DENND5B: variants seen among roughly 807,000 people sequenced by gnomAD.
DENND5B encodes DENN domain-containing protein 5B.
A neutral mutation model predicts 140.6 loss-of-function variants in DENND5B; 34 were observed. The observed-to-expected ratio is 0.24, with a 90% CI of 0.18 to 0.32. The LOEUF is 0.32. DENND5B is among the 10% of genes least tolerant of loss of function. DENND5B has a pLI of 1.00. For synonymous variants in DENND5B, 551 were observed against 562.1 expected (o/e 0.98, Z 0.28); for missense variants, 1,142 against 1,560.2 (o/e 0.73, Z 4.52).
At position 31,423,587 on chromosome 12, in the gene DENND5B, G is replaced by A. The variant is rs1458849645; in HGVS notation, c.2470+10C>T. On this transcript the variant is annotated intron_variant, in intron 11 of 20. Transcript: ENST00000389082. ...CCAGTGCTGCTAGTTCTTTACCAAT[G>A]ATGTCATACCTGGTGATTCTGCAAG... 1.2e-6 allele frequency: 2 copies of A among 1,613,404 alleles called. No individual in the cohort carries two copies. Among genetic ancestry groups the A allele is most frequent in the Admixed American group, 3.3e-5 (2 of 59,982 alleles).
intron 7 of DENND5B, 141 bp downstream of exon 7, chr12:31,442,634 A>G (rs1249237120): frequency 4.1e-6 from 3 of 726,444 alleles, no homozygotes; most frequent in African/African-American, 3.6e-5. Flanking sequence ...GTGTCAATCC[A>G]TATTTCAAAT....
At position 31,392,347 on chromosome 12, in the gene DENND5B, G is replaced by A; in HGVS notation, c.3386C>T (p.Ala1129Val). The A allele has an allele frequency of 6.2e-7, 1 of 1,613,764 alleles. No individual in the cohort carries two copies. Among genetic ancestry groups the A allele is most frequent in the Non-Finnish European group, 8.5e-7 (1 of 1,179,832 alleles). The part of the protein sequence containing the change: ...VLLCGENGLV[A>V]ALEQVFHHGF... ...ATGGTGGAAAACTTGCTCAAGGGCT[G>A]CAACCAGGCCATTTTCTCCACACAG... is the stretch of plus-strand genomic sequence containing the variant. Residue 1129 changes from alanine (A) to valine (V), a missense_variant, in exon 19 of 21, where the codon GCA becomes GTA. This residue lies in a region of DENND5B where 125 missense variants were observed against 179.0 expected (regional missense o/e 0.70). Transcript: ENST00000389082.
rs1941188490 is a variant in DENND5B, at chr12:31,392,289, A to C, written c.3444T>G (p.Asn1148Lys). The change falls in exon 19 of 21, where the codon AAT becomes AAG. Residue 1148 changes from asparagine to lysine, a missense_variant. Coordinates refer to ENST00000389082, the MANE Select transcript of DENND5B (RefSeq NM_144973.4). Reference protein sequence around the residue: ...GFKSARIFHKNVFIWDFIEKV... With the variant: ...GFKSARIFHKKVFIWDFIEKV... ...TACCTATGAAGTCCCAGATGAAGAC[A>C]TTCTTGTGAAAGATGCGGGCAGATT... 6.2e-7 allele frequency: 1 copy of C among 1,613,844 alleles called. No homozygotes were observed. The highest frequency in any genetic ancestry group is 1.7e-5 in the Admixed American group (1 of 59,990).
At chr12:31,396,800 T>C (rs1941496714) in intron 17 of DENND5B, among the ~76,000 whole-genome samples, 1 of 152,086 alleles carries the variant, frequency 6.6e-6, no homozygotes, top group Non-Finnish European at 1.5e-5. Context: ...TTTTGTTTTT[T>C]TAGTAGAGAC....
chr12:31,448,902 C>T (rs1356116134), intron 5 of DENND5B, among the ~76,000 whole-genome samples: 2 of 152,216 alleles, frequency 1.3e-5, no homozygotes, highest in Non-Finnish European at 2.9e-5. Context: ...AGAAGCAAGC[C>T]TTTGGAGAAC....
At position 31,442,856 on chromosome 12, in the gene DENND5B, T is replaced by C. The variant is rs1944097741; in HGVS notation, c.1931A>G (p.Lys644Arg). 1 of 1,612,746 alleles carries C rather than the reference T, an allele frequency of 6.2e-7. No individual in the cohort carries two copies. ...TAIHPHLLDM[K>R]IGQGKYEQGF... ...CTGCTCATATTTGCCTTGACCAATTTTCATATCAAGTAGATGTGGGTGGAT... is the reference window on the plus strand; with the variant it reads ...CTGCTCATATTTGCCTTGACCAATTCTCATATCAAGTAGATGTGGGTGGAT... Residue 644 changes from lysine (K) to arginine (R), a missense_variant, in exon 7 of 21, where the codon AAA becomes AGA. Transcript: ENST00000389082.
intron 14 of DENND5B, among the ~76,000 whole-genome samples, chr12:31,403,897 CAAAAA>C (rs751708684): frequency 5.5e-5 from 2 of 36,372 alleles, no homozygotes; most frequent in Admixed American, 4.2e-4. Flanking sequence ...ACTCCATCTC[CAAAAA>C]AAAAAAAAAA....
At chr12:31,575,922 C>A (rs1407674526) in intron 1 of DENND5B, among the ~76,000 whole-genome samples, 1 of 151,692 alleles carries the variant, frequency 6.6e-6, no homozygotes, top group Non-Finnish European at 1.5e-5. Flanking sequence ...GCCAAGATCA[C>A]GCCACTGCAC....
intron 1 of DENND5B, among the ~76,000 whole-genome samples, chr12:31,551,336 T>C (rs1313632235): frequency 6.6e-6 from 1 of 151,978 alleles, no homozygotes; most frequent in South Asian, 2.1e-4. Context: ...TCCCCATTGC[T>C]TGTTTTTCTC....
At chr12:31,418,437 C>A (rs1942870067) in intron 11 of DENND5B, among the ~76,000 whole-genome samples, 1 of 151,600 alleles carries the variant, frequency 6.6e-6, no homozygotes, top group Non-Finnish European at 1.5e-5. Context: ...TGCCACCACA[C>A]CTGGCTAATT....
intron 2 of DENND5B, among the ~76,000 whole-genome samples, chr12:31,484,595 G>C (rs1438833126): frequency 6.6e-6 from 1 of 152,134 alleles, no homozygotes; most frequent in Non-Finnish European, 1.5e-5. Flanking sequence ...CCTGAGCTCA[G>C]TTTGAAACCA....
At chr12:31,550,871 G>C (rs908240717) in intron 1 of DENND5B, among the ~76,000 whole-genome samples, 1 of 152,246 alleles carries the variant, frequency 6.6e-6, no homozygotes, top group African/African-American at 2.4e-5. Context: ...CTTCTTTTGA[G>C]AAGTGTCTGT....
At chr12:31,536,536 A>G (rs185170706) in intron 1 of DENND5B, among the ~76,000 whole-genome samples, 7 of 152,232 alleles carry the variant, frequency 4.6e-5, no homozygotes, top group African/African-American at 1.7e-4. Flanking sequence ...AGGAGACACA[A>G]GAAAAAAGAG....
intron 11 of DENND5B, among the ~76,000 whole-genome samples, chr12:31,417,483 C>G (rs369697174): frequency 6.6e-6 from 1 of 151,492 alleles, no homozygotes; most frequent in Non-Finnish European, 1.5e-5. Context: ...TAAATAGACA[C>G]TAAGTATAAT....
At chr12:31,400,030 A>G (rs1247480477) in intron 15 of DENND5B, among the ~76,000 whole-genome samples, 1 of 152,252 alleles carries the variant, frequency 6.6e-6, no homozygotes, top group East Asian at 1.9e-4. Flanking sequence ...AGATGTAAAA[A>G]GTGCTAGAAG....
intron 14 of DENND5B, among the ~76,000 whole-genome samples, chr12:31,404,337 C>T (rs1336191552): frequency 6.6e-6 from 1 of 152,210 alleles, no homozygotes; most frequent in African/African-American, 2.4e-5. Flanking sequence ...AGCTCTGTCG[C>T]CCAGTCTGAA....
chr12:31,547,663 G>A (rs1948908019), intron 1 of DENND5B, among the ~76,000 whole-genome samples: 1 of 152,054 alleles, frequency 6.6e-6, no homozygotes. Flanking sequence ...CCAAAATGCT[G>A]GGATTACAGG....
intron 4 of DENND5B, among the ~76,000 whole-genome samples, chr12:31,457,496 A>C (rs1282137919): frequency 1.3e-5 from 2 of 152,164 alleles, no homozygotes; most frequent in African/African-American, 4.8e-5. Flanking sequence ...TTTATTTTAG[A>C]CTTTTCAGGG....
chr12:31,529,733 A>ATT (rs905577877), intron 1 of DENND5B, among the ~76,000 whole-genome samples: 2,530 of 151,322 alleles, frequency 0.017, 72 homozygotes, highest in African/African-American at 0.058. Context: ...TTTAAAAATA[A>ATT]TTTTTTTTAA....
Sources: allele counts gnomAD v4.1 joint callset (sites outside exome capture counted in the v4.1 genomes callset), GRCh38; gene constraint gnomAD v4.1.1; regional missense constraint gnomAD v4.1.1; transcripts MANE v1.5; gene names NCBI Gene and HGNC (gene_info 2026-07-23, HGNC 2026-07-21).